Variants in GRID1 observed in about 807,000 individuals in gnomAD.
GRID1 encodes the protein glutamate ionotropic receptor delta type subunit 1, also known as glutamate receptor ionotropic, delta-1.
GRID1 carries 28 observed loss-of-function variants against 98.0 expected under a neutral mutation model. That is an observed-to-expected ratio of 0.29 (90% confidence interval 0.21 to 0.39). The LOEUF is 0.39. Among genes scored for constraint, GRID1 ranks in the 10% least tolerant of loss-of-function variants. The probability of loss-of-function intolerance (pLI) is 1.00; values close to 1 mark genes in which losing one functional copy is unlikely to be tolerated. For synonymous variants in GRID1, 553 were observed against 538.5 expected, an observed-to-expected ratio of 1.03 and a Z score of -0.37; for missense variants, 1,111 against 1,340.5, an observed-to-expected ratio of 0.83 and a Z score of 2.67.
In GRID1 at chr10:86,195,582, G is replaced by C. The variant is rs1171329012; in HGVS notation, c.520+10782C>G. Among the ~76,000 whole-genome samples the C allele has an allele frequency of 2.0e-5, 3 of 152,154 alleles. No individual in the cohort carries two copies. Among genetic ancestry groups the C allele is most frequent in the Non-Finnish European group, 2.9e-5 (2 of 67,982 alleles). ...ACAATCAAACCAAAAATCAGAGGCAGCGTGCCAGGTTCATGTGCAGCCTCC... is the reference window on the plus strand; with the variant it reads ...ACAATCAAACCAAAAATCAGAGGCACCGTGCCAGGTTCATGTGCAGCCTCC... On this transcript the variant is annotated intron_variant, in intron 3 of 15. Coordinates refer to ENST00000327946, the MANE Select transcript of GRID1 (RefSeq NM_017551.3). The surrounding 1 kb of genome is among the most constrained non-coding windows in gnomAD (Gnocchi z 4.4).
chr10:86,324,323 C>T (rs543585187), intron 2 of GRID1, among the ~76,000 whole-genome samples: 7 of 152,228 alleles, frequency 4.6e-5, no homozygotes, highest in South Asian at 2.1e-4. Context: ...ACTGATTATA[C>T]GTTGAGAGAC....
chr10:86,025,533 G>A (rs1038880164), intron 4 of GRID1, among the ~76,000 whole-genome samples: 2 of 152,144 alleles, frequency 1.3e-5, no homozygotes, highest in Admixed American at 6.5e-5. Context: ...TATGTACCAC[G>A]TGCTTTCCAA....
At chr10:85,848,988 A>G (rs1303776175) in intron 8 of GRID1, among the ~76,000 whole-genome samples, 1 of 152,208 alleles carries the variant, frequency 6.6e-6, no homozygotes, top group Non-Finnish European at 1.5e-5. Context: ...TAATAGAGAC[A>G]CTGCACAGTC....
chr10:85,669,488 G>A (rs780828490), intron 12 of GRID1, among the ~76,000 whole-genome samples: 4 of 152,282 alleles, frequency 2.6e-5, no homozygotes, highest in African/African-American at 4.8e-5. Context: ...AGCAAAATAC[G>A]TCTACAGAGA....
intron 4 of GRID1, among the ~76,000 whole-genome samples, chr10:86,010,187 C>CT (rs1842908388): frequency 6.6e-6 from 1 of 152,226 alleles, no homozygotes; most frequent in African/African-American, 2.4e-5. Flanking sequence ...TTAGTATATA[C>CT]TCCTATTTTG....
At chr10:85,847,569 A>T (rs1843018228) in intron 8 of GRID1, among the ~76,000 whole-genome samples, 1 of 152,254 alleles carries the variant, frequency 6.6e-6, no homozygotes, top group South Asian at 2.1e-4. Context: ...TATAGCTTAT[A>T]ATAAAATGTG....
At chr10:86,219,373 C>T (rs1032553175) in intron 2 of GRID1, among the ~76,000 whole-genome samples, 1 of 152,190 alleles carries the variant, frequency 6.6e-6, no homozygotes, top group African/African-American at 2.4e-5. Context: ...CCCAATGGCC[C>T]TTAAACCAGG....
intron 4 of GRID1, among the ~76,000 whole-genome samples, chr10:85,951,017 C>A (rs1842117745): frequency 1.3e-5 from 2 of 152,060 alleles, no homozygotes; most frequent in Admixed American, 6.5e-5. Context: ...ATGGCCCCTG[C>A]AGGACTCCAT....
At chr10:86,260,185 T>C (rs997126875) in intron 2 of GRID1, among the ~76,000 whole-genome samples, 1 of 152,238 alleles carries the variant, frequency 6.6e-6, no homozygotes, top group Non-Finnish European at 1.5e-5. Flanking sequence ...ACCAACCACG[T>C]GGCTTCCTTC....
intron 4 of GRID1, among the ~76,000 whole-genome samples, chr10:86,064,643 G>A (rs1351493467): frequency 6.6e-6 from 1 of 152,136 alleles, no homozygotes; most frequent in East Asian, 1.9e-4. Context: ...CAAGCTCCAT[G>A]GGCCCTTCCC....
At chr10:86,303,755 A>G (rs1219531079) in intron 2 of GRID1, among the ~76,000 whole-genome samples, 2 of 152,210 alleles carry the variant, frequency 1.3e-5, no homozygotes, top group East Asian at 1.9e-4. Flanking sequence ...ACAGGGAGCT[A>G]TTTGAGAAGC....
chr10:86,337,139 C>A (rs1221533848), intron 2 of GRID1, among the ~76,000 whole-genome samples: 1 of 151,868 alleles, frequency 6.6e-6, no homozygotes, highest in Non-Finnish European at 1.5e-5. Context: ...GCATAAGCCA[C>A]GGTGCCCGGC....
At chr10:86,060,291 A>G (rs1843631282) in intron 4 of GRID1, among the ~76,000 whole-genome samples, 2 of 152,232 alleles carry the variant, frequency 1.3e-5, no homozygotes, top group South Asian at 2.1e-4. Context: ...CCCTAAATAT[A>G]GGATTTCCCC....
intron 8 of GRID1, among the ~76,000 whole-genome samples, chr10:85,852,000 C>T (rs1312407079): frequency 6.6e-6 from 1 of 152,106 alleles, no homozygotes; most frequent in Non-Finnish European, 1.5e-5. Flanking sequence ...GCTCTGCCTC[C>T]AAATGCTGCC....
intron 12 of GRID1, among the ~76,000 whole-genome samples, chr10:85,690,872 G>GACACACAC (rs113101674): frequency 6.7e-6 from 1 of 150,258 alleles, no homozygotes; most frequent in Non-Finnish European, 1.5e-5. Context: ...CAGCAGTGCA[G>GACACACAC]ACACACACAC....
intron 8 of GRID1, among the ~76,000 whole-genome samples, chr10:85,848,271 G>A (rs1843025687): frequency 6.6e-6 from 1 of 151,918 alleles, no homozygotes; most frequent in African/African-American, 2.4e-5. Context: ...TCTTGTTCTG[G>A]TAATTCTACT....
At position 85,924,756 on chromosome 10, in the gene GRID1, T is replaced by G. The variant is rs567130393; in HGVS notation, c.727-8517A>C. 9.2e-5 allele frequency among the ~76,000 whole-genome samples: 14 copies of G among 152,326 alleles called. 1 individual carries two copies. The South Asian group carries it at 2.9e-3, about 32-fold the overall frequency. On this transcript the variant is annotated intron_variant, in intron 4 of 15. Coordinates refer to ENST00000327946, the MANE Select transcript of GRID1 (RefSeq NM_017551.3). Reference sequence around the variant, plus strand: ...TGACTAAATTCATGTAAAATTCTGATAGATGTGAACAATTTCTAGTAAATC... The same window carrying G: ...TGACTAAATTCATGTAAAATTCTGAGAGATGTGAACAATTTCTAGTAAATC...
At chr10:85,710,183 A>C (rs928590890) in intron 12 of GRID1, among the ~76,000 whole-genome samples, 1 of 152,162 alleles carries the variant, frequency 6.6e-6, no homozygotes, top group Non-Finnish European at 1.5e-5. Flanking sequence ...TTGGAAAAAA[A>C]CACAATTGAA....
intron 10 of GRID1, among the ~76,000 whole-genome samples, chr10:85,725,788 A>G (rs909948780): frequency 9.2e-5 from 14 of 152,210 alleles, no homozygotes; most frequent in African/African-American, 3.4e-4. Context: ...CATGTCCTAA[A>G]CAGAAATCTA....
Sources: gnomAD v4.1 joint callset for allele counts (sites outside exome capture counted in the v4.1 genomes callset) on GRCh38, gnomAD v4.1.1 for gene constraint, Gnocchi (gnomAD v3.1) non-coding constraint, MANE v1.5 for transcripts, NCBI Gene and HGNC (gene_info 2026-07-23, HGNC 2026-07-21) for gene names.